Variants in SNAPC4 observed in about 807,000 individuals in gnomAD.
SNAPC4 encodes the protein snRNA-activating protein complex subunit 4.
A neutral mutation model predicts 151.3 loss-of-function variants in SNAPC4; 127 were observed. The ratio of observed to expected loss-of-function variants is 0.84; its 90% confidence interval spans 0.73 to 0.97. The LOEUF is 0.97. Ranked by LOEUF, SNAPC4 falls within the 50% of genes least tolerant of loss-of-function variation. The pLI is 0.00. For synonymous variants in SNAPC4, 1,002 were observed against 824.4 expected (o/e 1.22, Z -3.69); for missense variants, 2,186 against 1,935.0 (o/e 1.13, Z -2.43).
chr9:136,396,370 A>C (rs915467211), intron 3 of SNAPC4, among the ~76,000 whole-genome samples: 1 of 152,244 alleles, frequency 6.6e-6, no homozygotes, highest in Non-Finnish European at 1.5e-5. Flanking sequence ...CTAATAAAAT[A>C]ATCACTGGCC....
At position 136,398,384 on chromosome 9, in the gene SNAPC4, CT is replaced by C; in HGVS notation, c.44del (p.Lys15ArgfsTer75). 6.2e-7 allele frequency: 1 copy of C among 1,614,004 alleles called. No homozygotes were observed. Among genetic ancestry groups the C allele is most frequent in the Non-Finnish European group, 8.5e-7 (1 of 1,179,916 alleles). ...AEREKITQEI[K>X]ELERILDPGS... Reference sequence around the variant, plus strand: ...CGGGATCCAAAATCCTTTCCAGCTCCTTGATCTCCTGTGTTATCTTCTCTCT... The same window carrying C: ...CGGGATCCAAAATCCTTTCCAGCTCCTGATCTCCTGTGTTATCTTCTCTCT... On this transcript the variant is annotated frameshift_variant, in exon 2 of 24. Coordinates refer to ENST00000684778, the MANE Select transcript of SNAPC4 (RefSeq NM_003086.4). LOFTEE classifies it high-confidence loss of function.
rs1833793638 is a variant in SNAPC4 at position 136,383,744 on chromosome 9, T to C, written c.1501-76A>G. 1 of 1,540,412 alleles carries C rather than the reference T, an allele frequency of 6.5e-7. No homozygotes were observed. Among genetic ancestry groups the C allele is most frequent in the Non-Finnish European group, 8.8e-7 (1 of 1,138,924 alleles). On this transcript the variant is annotated intron_variant, in intron 15 of 23. Coordinates refer to ENST00000684778, the MANE Select transcript of SNAPC4 (RefSeq NM_003086.4). This position sits in a 1 kb window ranked among gnomAD's most constrained non-coding sequence, Gnocchi z 4.2. ...ATGATGGCAGCAAGCAGGCCAGCCC[T>C]TTGGGGAGAGGCCCAAGCGGGGGCG...
Position 136,378,493 on chromosome 9 carries a change from G to A in SNAPC4, c.3334C>T (p.Leu1112=), listed in dbSNP as rs765374466. ...CGAGTCTCAGTCAGGGGAGGCAGCA[G>A]AGTGGCCAGCAGCCCTGCGGGGCCA... ...TPGPAGLLAT[L]LPPLTETRAA... The change falls in exon 22 of 24, where the codon CTG becomes TTG. Residue 1112 remains leucine, a synonymous_variant. Coordinates refer to ENST00000684778, the MANE Select transcript of SNAPC4 (RefSeq NM_003086.4). 2.5e-6 allele frequency: 4 copies of A among 1,592,160 alleles called. No individual in the cohort carries two copies. Among genetic ancestry groups the A allele is most frequent in the Non-Finnish European group, 2.6e-6 (3 of 1,175,000 alleles).
chr9:136,395,815 T>C (rs1226539990), intron 3 of SNAPC4, 45 bp from the exon 4 acceptor site: 1 of 1,574,184 alleles, frequency 6.4e-7, no homozygotes, highest in Non-Finnish European at 8.7e-7. Flanking sequence ...GAGACGTGGA[T>C]GCTCCCCTGT....
rs547670026 is a variant in SNAPC4, at chr9:136,379,161, T to G, written c.2666A>C (p.Lys889Thr). Residue 889 changes from lysine to threonine, a missense_variant, in exon 22 of 24, where the codon AAG becomes ACG. Lys to Thr is a moderately conservative substitution (Grantham distance 78). Coordinates refer to ENST00000684778, the MANE Select transcript of SNAPC4 (RefSeq NM_003086.4). ...SLLASTGPRPKPKTVSELLQE... is the reference protein window; with the variant it reads ...SLLASTGPRPTPKTVSELLQE... The stretch of plus-strand genomic sequence containing the variant: ...AAGCAGCTCCGACACAGTCTTGGGC[T>G]TGGGCCGGGGGCCGGTTGAAGCCAG... 1.3e-6 allele frequency: 2 copies of G among 1,588,048 alleles called. No individual in the cohort carries two copies. The highest frequency in any genetic ancestry group is 2.3e-5 in the South Asian group (2 of 88,178).
intron 22 of SNAPC4, among the ~76,000 whole-genome samples, chr9:136,377,309 G>A (rs769310197): frequency 1.5e-4 from 23 of 152,320 alleles, no homozygotes; most frequent in Non-Finnish European, 2.6e-4. Flanking sequence ...GCTCCTGCAC[G>A]AGAATGAGGC....
At chr9:136,394,145 G>A (rs1834176662) in intron 7 of SNAPC4, 104 bp downstream of exon 7, 10 of 937,318 alleles carry the variant, frequency 1.1e-5, no homozygotes, top group East Asian at 4.8e-5. Context: ...CTTGAACTGG[G>A]TTCAAGAGAT....
chr9:136,395,941 G>A (rs567246283), intron 3 of SNAPC4, among the ~76,000 whole-genome samples, 171 bp from the exon 4 acceptor site: 2 of 152,368 alleles, frequency 1.3e-5, no homozygotes, highest in South Asian at 4.1e-4. Context: ...GGGCGTCTGA[G>A]TTTGGGAGTG....
chr9:136,380,648 G>A (rs1441549013), intron 20 of SNAPC4, 92 bp downstream of exon 20: 4 of 701,958 alleles, frequency 5.7e-6, no homozygotes, highest in Non-Finnish European at 1.0e-5. Flanking sequence ...GCGGTGGAGC[G>A]GGTGGGGCGG....
intron 20 of SNAPC4, 108 bp from the exon 21 acceptor site, chr9:136,379,972 G>GC: frequency 7.0e-7 from 1 of 1,427,740 alleles, no homozygotes; most frequent in Non-Finnish European, 9.7e-7. Context: ...ATGGGACGAG[G>GC]CCCCAAGGGC....
In SNAPC4 at chr9:136,383,585, A is replaced by ACTG; in HGVS notation, c.1581_1583dup (p.Ser528dup). ...TGCTGCTGCTCCCTCCACTGCTGCC[A>ACTG]CTGCTGCTGCCGCTGCTGCTGGTAG... On this transcript the variant is annotated inframe_insertion, in exon 16 of 24. Transcript: ENST00000684778. The surrounding 1 kb of genome is among the most constrained non-coding windows in gnomAD (Gnocchi z 4.2). 1.2e-6 allele frequency: 2 copies of ACTG among 1,609,904 alleles called. No individual in the cohort carries two copies. Among genetic ancestry groups the ACTG allele is most frequent in the Non-Finnish European group, 1.7e-6 (2 of 1,178,340 alleles).
intron 16 of SNAPC4, among the ~76,000 whole-genome samples, chr9:136,382,968 A>G (rs1833752450): frequency 6.6e-6 from 1 of 152,126 alleles, no homozygotes; most frequent in Non-Finnish European, 1.5e-5. Context: ...CCAAGTGCCC[A>G]TTCAGCCATA....
chr9:136,381,596 C>T (rs1055599579), intron 18 of SNAPC4, among the ~76,000 whole-genome samples: 1 of 152,182 alleles, frequency 6.6e-6, no homozygotes, highest in Non-Finnish European at 1.5e-5. Context: ...CACCAAGCTG[C>T]CACATGCTTG....
rs1037219090 is a variant in SNAPC4, at chr9:136,379,190, G to C, written c.2637C>G (p.Ser879=). The change falls in exon 22 of 24, where the codon TCC becomes TCG. Residue 879 remains serine, a synonymous_variant. Coordinates refer to ENST00000684778, the MANE Select transcript of SNAPC4 (RefSeq NM_003086.4). ...SRVERTLPQA[S]LLASTGPRPK... Reference sequence around the variant, plus strand: ...GCCGGGGGCCGGTTGAAGCCAGCAGGGACGCCTGGGGTAGGGTGCGCTCCA... The same window carrying C: ...GCCGGGGGCCGGTTGAAGCCAGCAGCGACGCCTGGGGTAGGGTGCGCTCCA... 6.2e-7 allele frequency: 1 copy of C among 1,605,322 alleles called. No individual in the cohort carries two copies. Among genetic ancestry groups the C allele is most frequent in the Non-Finnish European group, 8.5e-7 (1 of 1,176,898 alleles).
At chr9:136,385,555 C>T (rs1263958402) in intron 13 of SNAPC4, among the ~76,000 whole-genome samples, 1 of 134,178 alleles carries the variant, frequency 7.5e-6, no homozygotes, top group Non-Finnish European at 1.6e-5. Flanking sequence ...GAATCCCACT[C>T]CCCCCCCTTT....
At chr9:136,382,464 C>A in intron 16 of SNAPC4, 128 bp from the exon 17 acceptor site, 1 of 793,420 alleles carries the variant, frequency 1.3e-6, no homozygotes, top group Non-Finnish European at 2.1e-6. Flanking sequence ...CAGCTCTGCT[C>A]TGCCTCATGG....
At chr9:136,385,363 C>T (rs1188877239) in intron 13 of SNAPC4, among the ~76,000 whole-genome samples, 1 of 152,214 alleles carries the variant, frequency 6.6e-6, no homozygotes, top group African/African-American at 2.4e-5. Context: ...CTTTGGGAAA[C>T]AGTCTGGCCA....
At chr9:136,385,778 A>C (rs1833869503) in intron 13 of SNAPC4, among the ~76,000 whole-genome samples, 1 of 150,764 alleles carries the variant, frequency 6.6e-6, no homozygotes, top group African/African-American at 2.4e-5. Flanking sequence ...CTGGTCTTGA[A>C]CTCCTGACCT....
At chr9:136,393,816 A>G (rs781293411) in intron 7 of SNAPC4, among the ~76,000 whole-genome samples, 33 of 152,182 alleles carry the variant, frequency 2.2e-4, no homozygotes, top group Non-Finnish European at 4.6e-4. Context: ...GCATCTCTCC[A>G]TGGCCTGGCA....
Sources: gnomAD v4.1 joint callset for allele counts (sites outside exome capture counted in the v4.1 genomes callset) on GRCh38, gnomAD v4.1.1 for gene constraint, Gnocchi (gnomAD v3.1) non-coding constraint, MANE v1.5 for transcripts, NCBI Gene and HGNC (gene_info 2026-07-23, HGNC 2026-07-21) for gene names.